CORO1B: variants seen among roughly 807,000 people sequenced by gnomAD.
CORO1B encodes coronin 1B, also known as coronin-1B.
A neutral mutation model predicts 51.1 loss-of-function variants in CORO1B; 30 were observed. The ratio of observed to expected loss-of-function variants is 0.59; its 90% CI spans 0.44 to 0.80. CORO1B has a LOEUF of 0.80. Among genes scored for constraint, CORO1B ranks in the 30% least tolerant of loss-of-function variants. The probability of loss-of-function intolerance (pLI) is 0.00; values close to 1 mark genes in which losing one functional copy is unlikely to be tolerated. For missense variants in CORO1B, 648 were observed against 700.4 expected, an observed-to-expected ratio of 0.93 and a Z score of 0.84; for synonymous variants, 310 against 289.7, an observed-to-expected ratio of 1.07 and a Z score of -0.71.
Position 67,439,938 on chromosome 11 carries a change from C to T in CORO1B, c.1008-95G>A, listed in dbSNP as rs901089136. On this transcript the variant is annotated intron_variant, in intron 8 of 10. Coordinates refer to ENST00000341356, the MANE Select transcript of CORO1B (RefSeq NM_020441.3). The stretch of plus-strand genomic sequence containing the variant: ...CATCCTCCACTTCCAGTCCTCACCC[C>T]AGGACCTCCGCAGGCCGACCCCTAA... 14 of 1,455,230 alleles carry T rather than the reference C, an allele frequency of 9.6e-6. No homozygotes were observed. The African/African-American group carries it at 1.4e-4, about 14-fold the overall frequency. 90.1% of individuals were successfully genotyped at this position (1,455,230 alleles called of 1,614,324 possible).
rs1864281482 is a variant in CORO1B at position 67,436,419 on chromosome 11, G to A, written c.*1957C>T. The A allele has an allele frequency of 1.4e-6, 2 of 1,414,414 alleles. No individual in the cohort carries two copies. The highest frequency in any genetic ancestry group is 1.8e-6 in the Non-Finnish European group (2 of 1,087,704). The allele number at this position is 1,414,414 out of a possible 1,614,324, so 87.6% of individuals were successfully genotyped here. ...TGGGGCCTGGTGTGGGGCAGGCTGG[G>A]TGACCAAGACCACTTTCGTTTTTTT... On this transcript the variant is annotated 3_prime_UTR_variant, in exon 11 of 11. Transcript: ENST00000341356.
chr11:67,443,032 A>G (rs561507219), intron 1 of CORO1B, among the ~76,000 whole-genome samples: 13 of 152,232 alleles, frequency 8.5e-5, no homozygotes, highest in Non-Finnish European at 1.8e-4. Flanking sequence ...AATGGGGAAG[A>G]AGGAGAGAGG....
chr11:67,435,903 T>C lies in CORO1B; in HGVS notation c.*2473A>G. ...AGGTCGCCCTCCGTGTCACTGTCTCTGGCTTCCTCAGCCCGCACGGGGACC... is the reference window on the plus strand; with the variant it reads ...AGGTCGCCCTCCGTGTCACTGTCTCCGGCTTCCTCAGCCCGCACGGGGACC... On this transcript the variant is annotated 3_prime_UTR_variant, in exon 11 of 11. Coordinates refer to ENST00000341356, the MANE Select transcript of CORO1B (RefSeq NM_020441.3). 3 of 1,612,650 alleles carry C rather than the reference T, an allele frequency of 1.9e-6. No individual in the cohort carries two copies. The highest frequency in any genetic ancestry group is 2.5e-6 in the Non-Finnish European group (3 of 1,179,656).
intron 9 of CORO1B, 74 bp from the exon 10 acceptor site, chr11:67,439,023 C>T (rs1478722941): frequency 6.8e-7 from 1 of 1,474,712 alleles, no homozygotes; most frequent in Non-Finnish European, 9.1e-7. Flanking sequence ...CCCCTGGCCT[C>T]CAGGCTTGCA....
Position 67,440,660 on chromosome 11 carries a change from T to G in CORO1B, c.757-221A>C, listed in dbSNP as rs77798964. On this transcript the variant is annotated intron_variant, in intron 6 of 10. Coordinates refer to ENST00000341356, the MANE Select transcript of CORO1B (RefSeq NM_020441.3). ...CCTCTTTTCCAGCCTCCTCCAGGCC[T>G]TAAGACTATGCCCAGGCCACTAAGC... 3.9e-3 allele frequency: 2,673 copies of G among 685,602 alleles called. 60 individuals are homozygous for G. The African/African-American group carries it at 0.041, about 11-fold the overall frequency. 42.5% of individuals were successfully genotyped at this position (685,602 alleles called of 1,614,324 possible). A position where few individuals can be genotyped will look rare whatever the true frequency, so the allele number is the denominator to read the frequency against.
chr11:67,437,938 G>C lies in CORO1B; in HGVS notation c.*438C>G. 1 of 371,344 alleles carries C rather than the reference G, an allele frequency of 2.7e-6. No homozygotes were observed. Among genetic ancestry groups the C allele is most frequent in the Non-Finnish European group, 4.8e-6 (1 of 208,490 alleles). The allele number at this position is 371,344 out of a possible 1,614,324, so 23.0% of individuals were successfully genotyped here. On this transcript the variant is annotated 3_prime_UTR_variant, in exon 11 of 11. Transcript: ENST00000341356. Reference sequence around the variant, plus strand: ...GACAATCCAGGGGAGCAATGCCTGTGGGGCTGCTCACTGCCCCCAGACCTT... The same window carrying C: ...GACAATCCAGGGGAGCAATGCCTGTCGGGCTGCTCACTGCCCCCAGACCTT...
rs1158049822 is a variant in CORO1B at position 67,438,240 on chromosome 11, G to A, written c.*136C>T. The stretch of plus-strand genomic sequence containing the variant: ...GGCGCTGGCTTCGGCCTGGGCCTGG[G>A]ACGGGTGGGGGTGGGAACTGACCCC... On this transcript the variant is annotated 3_prime_UTR_variant, in exon 11 of 11. Transcript: ENST00000341356. 8.9e-7 allele frequency: 1 copy of A among 1,124,464 alleles called. No homozygotes were observed. Among genetic ancestry groups the A allele is most frequent in the Non-Finnish European group, 1.2e-6 (1 of 801,646 alleles). The allele number at this position is 1,124,464 out of a possible 1,614,324, so 69.7% of individuals were successfully genotyped here.
Position 67,435,708 on chromosome 11 carries a change from A to G in CORO1B, c.*2668T>C, listed in dbSNP as rs1408521148. ...GGCACGGGGAGTGAGCGGCTGTGACAGGGATGGGACACCAAGACCGGCCTC... is the reference window on the plus strand; with the variant it reads ...GGCACGGGGAGTGAGCGGCTGTGACGGGGATGGGACACCAAGACCGGCCTC... On this transcript the variant is annotated 3_prime_UTR_variant, in exon 11 of 11. Coordinates refer to ENST00000341356, the MANE Select transcript of CORO1B (RefSeq NM_020441.3). 6.7e-7 allele frequency: 1 copy of G among 1,500,122 alleles called. No individual in the cohort carries two copies. Among genetic ancestry groups the G allele is most frequent in the Admixed American group, 2.2e-5 (1 of 44,622 alleles). 92.9% of individuals were successfully genotyped at this position (1,500,122 alleles called of 1,614,324 possible). A position where few individuals can be genotyped will look rare whatever the true frequency, so the allele number is the denominator to read the frequency against.
Position 67,437,522 on chromosome 11 carries a change from A to C in CORO1B, c.*854T>G. 8 of 1,282,930 alleles carry C rather than the reference A, an allele frequency of 6.2e-6. No individual in the cohort carries two copies. The highest frequency in any genetic ancestry group is 8.1e-6 in the Non-Finnish European group (8 of 992,932). The allele number at this position is 1,282,930 out of a possible 1,614,324, so 79.5% of individuals were successfully genotyped here. On this transcript the variant is annotated 3_prime_UTR_variant, in exon 11 of 11. Coordinates refer to ENST00000341356, the MANE Select transcript of CORO1B (RefSeq NM_020441.3). ...TAGGTCTCACCTCTTCCCTGGGGCC[A>C]ATGTGGGGCCCTCCTTAGCTCCACA...
In CORO1B at chr11:67,435,728, G is replaced by A. The variant is rs760811933; in HGVS notation, c.*2648C>T. Reference sequence around the variant, plus strand: ...GTGACAGGGATGGGACACCAAGACCGGCCTCTACAGTGCGGTGACATGGAG... The same window carrying A: ...GTGACAGGGATGGGACACCAAGACCAGCCTCTACAGTGCGGTGACATGGAG... On this transcript the variant is annotated 3_prime_UTR_variant, in exon 11 of 11. Coordinates refer to ENST00000341356, the MANE Select transcript of CORO1B (RefSeq NM_020441.3). 3.4e-5 allele frequency: 52 copies of A among 1,513,848 alleles called. No individual in the cohort carries two copies. The highest frequency in any genetic ancestry group is 4.2e-5 in the Non-Finnish European group (48 of 1,134,326). The allele number at this position is 1,513,848 out of a possible 1,614,324, so 93.8% of individuals were successfully genotyped here. A position where few individuals can be genotyped will look rare whatever the true frequency, so the allele number is the denominator to read the frequency against.
Position 67,436,417 on chromosome 11 carries a change from G to T in CORO1B, c.*1959C>A. On this transcript the variant is annotated 3_prime_UTR_variant, in exon 11 of 11. Transcript: ENST00000341356. The stretch of plus-strand genomic sequence containing the variant: ...GGTGGGGCCTGGTGTGGGGCAGGCT[G>T]GGTGACCAAGACCACTTTCGTTTTT... 7.1e-7 allele frequency: 1 copy of T among 1,414,916 alleles called. No individual in the cohort carries two copies. The highest frequency in any genetic ancestry group is 9.2e-7 in the Non-Finnish European group (1 of 1,087,972). 87.6% of individuals were successfully genotyped at this position (1,414,916 alleles called of 1,614,324 possible).
At position 67,436,492 on chromosome 11, in the gene CORO1B, T is replaced by A; in HGVS notation, c.*1884A>T. 5 of 986,978 alleles carry A rather than the reference T, an allele frequency of 5.1e-6. No homozygotes were observed. In the South Asian group the frequency reaches 6.1e-5, roughly 12 times the overall value. The allele number at this position is 986,978 out of a possible 1,614,324, so 61.1% of individuals were successfully genotyped here. A position where few individuals can be genotyped will look rare whatever the true frequency, so the allele number is the denominator to read the frequency against. On this transcript the variant is annotated 3_prime_UTR_variant, in exon 11 of 11. Coordinates refer to ENST00000341356, the MANE Select transcript of CORO1B (RefSeq NM_020441.3). ...AGCCAAGCAGAAAAGGCCAAGGCCT[T>A]ATTTGGTCAACCAGGCTCTGGCCCT...
chr11:67,439,054 A>G, intron 9 of CORO1B, 105 bp from the exon 10 acceptor site: 2 of 1,302,876 alleles, frequency 1.5e-6, no homozygotes, highest in Non-Finnish European at 2.1e-6. Context: ...CCATTCTCCC[A>G]CGGCCTGGAA....
upstream of CORO1B, chr11:67,443,678 G>A (rs571612879): frequency 4.2e-6 from 4 of 962,808 alleles, no homozygotes; most frequent in African/African-American, 1.8e-5. Flanking sequence ...CAGCTCCTCC[G>A]GAAGAAGGGG....
In CORO1B at chr11:67,442,002, T is replaced by G; in HGVS notation, c.288A>C (p.Glu96Asp). ...AGTCCTCCGAGCCGCTGGCTATGAC[T>G]TCGTCGTTGTGAGGACACCAGTCGA... ...LDIDWCPHNDEVIASGSEDCT... is the reference protein window; with the variant it reads ...LDIDWCPHNDDVIASGSEDCT... The change falls in exon 3 of 11, where the codon GAA (glutamate) becomes GAC (aspartate). Residue 96 changes from glutamate (E) to aspartate (D), a missense_variant. Transcript: ENST00000341356. 6.2e-7 allele frequency: 1 copy of G among 1,613,242 alleles called. No homozygotes were observed. Among genetic ancestry groups the G allele is most frequent in the Non-Finnish European group, 8.5e-7 (1 of 1,180,010 alleles).
Position 67,435,940 on chromosome 11 carries a change from G to A in CORO1B, c.*2436C>T, listed in dbSNP as rs755599729. On this transcript the variant is annotated 3_prime_UTR_variant, in exon 11 of 11. Coordinates refer to ENST00000341356, the MANE Select transcript of CORO1B (RefSeq NM_020441.3). ...CCCGCACGGGGACCTGCTCTGGGCT[G>A]GACGCCTCTCCACATTGCTGCTCGC... 5 of 1,613,334 alleles carry A rather than the reference G, an allele frequency of 3.1e-6. No homozygotes were observed. The highest frequency in any genetic ancestry group is 1.7e-5 in the Admixed American group (1 of 59,988).
chr11:67,437,526 T>C lies in CORO1B; in HGVS notation c.*850A>G. 1 of 1,290,464 alleles carries C rather than the reference T, an allele frequency of 7.7e-7. No individual in the cohort carries two copies. Among genetic ancestry groups the C allele is most frequent in the Non-Finnish European group, 1.0e-6 (1 of 999,584 alleles). The allele number at this position is 1,290,464 out of a possible 1,614,324, so 79.9% of individuals were successfully genotyped here. ...TCTCACCTCTTCCCTGGGGCCAATG[T>C]GGGGCCCTCCTTAGCTCCACAGGCC... On this transcript the variant is annotated 3_prime_UTR_variant, in exon 11 of 11. Transcript: ENST00000341356.
chr11:67,441,841 C>G lies in CORO1B; in HGVS notation c.346G>C (p.Gly116Arg), dbSNP rs763974640. ...GGCTCTGTCAGCGGGGAGGTCAGCC[C>G]GTTCTCTGGGATCTGCCACACCTGT... ...TVMVWQIPENGLTSPLTEPVV... is the reference protein window; with the variant it reads ...TVMVWQIPENRLTSPLTEPVV... The change falls in exon 4 of 11, where the codon GGG becomes CGG. Residue 116 changes from glycine to arginine, a missense_variant. Physicochemically the swap from Gly to Arg is moderately radical, Grantham distance 125. Coordinates refer to ENST00000341356, the MANE Select transcript of CORO1B (RefSeq NM_020441.3). 3 of 1,613,072 alleles carry G rather than the reference C, an allele frequency of 1.9e-6. No homozygotes were observed. The African/African-American group carries it at 4.0e-5, about 22-fold the overall frequency.
chr11:67,435,816 G>A lies in CORO1B; in HGVS notation c.*2560C>T, dbSNP rs377555679. On this transcript the variant is annotated 3_prime_UTR_variant, in exon 11 of 11. Coordinates refer to ENST00000341356, the MANE Select transcript of CORO1B (RefSeq NM_020441.3). ...GCTGCGCTGCCAGCAAAGGCGTGCA[G>A]GTCACTCAGCAGGGCCTCAGCACTG... The A allele has an allele frequency of 3.7e-6, 6 of 1,603,860 alleles. No homozygotes were observed. Among genetic ancestry groups the A allele is most frequent in the Non-Finnish European group, 5.1e-6 (6 of 1,176,446 alleles).
Sources: gnomAD v4.1 joint callset for allele counts (sites outside exome capture counted in the v4.1 genomes callset) on GRCh38, gnomAD v4.1.1 for gene constraint, MANE v1.5 for transcripts, NCBI Gene and HGNC (gene_info 2026-07-23, HGNC 2026-07-21) for gene names.